The following SOX6 variants were observed in gnomAD, a reference collection of about 807,000 sequenced individuals.
The protein encoded by SOX6 is SRY-box transcription factor 6.
In SOX6, 11 loss-of-function variants were observed where a neutral mutation model predicts 97.8. That is an observed-to-expected ratio of 0.11 (90% CI 0.07 to 0.19). The LOEUF (loss-of-function observed/expected upper bound fraction) is 0.19. Among genes scored for constraint, SOX6 ranks in the 10% least tolerant of loss-of-function variants. SOX6 has a pLI of 1.00. For missense variants in SOX6, 810 were observed against 1,039.5 expected (o/e 0.78, Z 3.04); for synonymous variants, 360 against 371.4 (o/e 0.97, Z 0.35).
chr11:16,519,390 A>G (rs73435536), intron 4 of SOX6, among the ~76,000 whole-genome samples: 5,058 of 152,034 alleles, frequency 0.033, 267 homozygotes, highest in African/African-American at 0.12. Context: ...TATTATTTCC[A>G]TCTTTGTATC....
At chr11:16,655,699 T>C (rs1847710737) in intron 3 of SOX6, among the ~76,000 whole-genome samples, 1 of 152,234 alleles carries the variant, frequency 6.6e-6, no homozygotes, top group African/African-American at 2.4e-5. Flanking sequence ...ATGTTAGCAT[T>C]GCTGATCTTT....
chr11:16,725,490 C>A (rs564895164), intron 2 of SOX6, among the ~76,000 whole-genome samples: 2 of 151,590 alleles, frequency 1.3e-5, no homozygotes, highest in African/African-American at 4.9e-5. Context: ...CAGAGTGAGA[C>A]CCTGTCTTAA....
intron 3 of SOX6, among the ~76,000 whole-genome samples, chr11:16,656,366 G>A (rs1038070396): frequency 1.3e-5 from 2 of 152,082 alleles, no homozygotes; most frequent in South Asian, 2.1e-4. Context: ...ATGAGCCACC[G>A]TGCCAGGCCA....
chr11:16,174,445 C>G (rs1029948852), intron 6 of SOX6, among the ~76,000 whole-genome samples: 6 of 151,896 alleles, frequency 4.0e-5, no homozygotes, highest in African/African-American at 1.4e-4. Flanking sequence ...CATTTATTTG[C>G]TGTTATTTTG....
intron 9 of SOX6, among the ~76,000 whole-genome samples, chr11:16,083,523 C>T (rs1848517204): frequency 6.6e-6 from 1 of 152,178 alleles, no homozygotes; most frequent in African/African-American, 2.4e-5. Context: ...CGCTCATTGA[C>T]TCCCACTTAG....
intron 13 of SOX6, among the ~76,000 whole-genome samples, chr11:16,001,712 C>T (rs1219601933): frequency 6.6e-6 from 1 of 152,144 alleles, no homozygotes; most frequent in East Asian, 1.9e-4. Flanking sequence ...AAATACTGCC[C>T]CACCAAAGAT....
At chr11:16,534,771 G>A (rs1861282507) in intron 4 of SOX6, among the ~76,000 whole-genome samples, 1 of 152,130 alleles carries the variant, frequency 6.6e-6, no homozygotes, top group Admixed American at 6.5e-5. Flanking sequence ...GATGTCTGCA[G>A]CAGCAATGCT....
chr11:15,997,121 T>C (rs1281244063), intron 13 of SOX6, among the ~76,000 whole-genome samples: 1 of 152,108 alleles, frequency 6.6e-6, no homozygotes, highest in Non-Finnish European at 1.5e-5. Context: ...TCAATAAATT[T>C]GACAACTTAG....
At chr11:16,156,374 G>A (rs575621741) in intron 6 of SOX6, among the ~76,000 whole-genome samples, 39 of 151,692 alleles carry the variant, frequency 2.6e-4, no homozygotes, top group South Asian at 1.7e-3. Flanking sequence ...TAGTATTTCC[G>A]AAAATTCTGC....
chr11:16,705,799 G>A (rs1469270926), intron 3 of SOX6, among the ~76,000 whole-genome samples: 1 of 152,070 alleles, frequency 6.6e-6, no homozygotes, highest in South Asian at 2.1e-4. Context: ...GATGTTAATT[G>A]TAATCTCCAG....
chr11:16,481,320 T>C (rs1326199741), upstream of SOX6, among the ~76,000 whole-genome samples: 1 of 152,154 alleles, frequency 6.6e-6, no homozygotes. Flanking sequence ...CCAGTATTTT[T>C]TTTAAATGCA....
At chr11:16,516,744 G>C (rs1268480755) in intron 4 of SOX6, among the ~76,000 whole-genome samples, 1 of 149,154 alleles carries the variant, frequency 6.7e-6, no homozygotes, top group African/African-American at 2.5e-5. Flanking sequence ...AATTCTACCA[G>C]AGGTACAAGG....
At chr11:16,391,668 C>A (rs1487002166) in intron 1 of SOX6, among the ~76,000 whole-genome samples, 1 of 151,558 alleles carries the variant, frequency 6.6e-6, no homozygotes, top group African/African-American at 2.4e-5. Flanking sequence ...ATTCAGTAAG[C>A]AATACAAATA....
At chr11:16,388,134 GT>G (rs1381671494) in intron 1 of SOX6, among the ~76,000 whole-genome samples, 2 of 152,102 alleles carry the variant, frequency 1.3e-5, no homozygotes, top group Non-Finnish European at 2.9e-5. Context: ...ATTGCTGGGA[GT>G]TTTTTAATTA....
At chr11:16,103,631 A>G (rs1298545514) in intron 7 of SOX6, among the ~76,000 whole-genome samples, 2 of 151,996 alleles carry the variant, frequency 1.3e-5, no homozygotes, top group African/African-American at 4.8e-5. Context: ...ATGCTCATCA[A>G]TCTACGCATG....
intron 3 of SOX6, among the ~76,000 whole-genome samples, chr11:16,625,747 C>T (rs1361706087): frequency 6.6e-6 from 1 of 152,182 alleles, no homozygotes; most frequent in Non-Finnish European, 1.5e-5. Flanking sequence ...TGGAGAACTT[C>T]CAGATTGGTA....
At chr11:16,198,209 A>T (rs1426334326) in intron 4 of SOX6, among the ~76,000 whole-genome samples, 1 of 137,262 alleles carries the variant, frequency 7.3e-6, no homozygotes, top group Non-Finnish European at 1.5e-5. Flanking sequence ...GCCTGCCACC[A>T]CGCCCTGCTA....
chr11:16,521,969 A>G (rs1335608985), intron 4 of SOX6, among the ~76,000 whole-genome samples: 1 of 152,208 alleles, frequency 6.6e-6, no homozygotes, highest in Non-Finnish European at 1.5e-5. Flanking sequence ...TCCAAGAAAT[A>G]TGGGACTATG....
intron 15 of SOX6, among the ~76,000 whole-genome samples, chr11:15,978,415 G>A (rs992620938): frequency 1.3e-4 from 20 of 151,780 alleles, no homozygotes; most frequent in Middle Eastern, 3.4e-3. Flanking sequence ...TCTATAACAC[G>A]GGCAGCATTT....
Sources: allele counts gnomAD v4.1 joint callset (sites outside exome capture counted in the v4.1 genomes callset), GRCh38; gene constraint gnomAD v4.1.1; transcripts MANE v1.5; gene names NCBI Gene and HGNC (gene_info 2026-07-23, HGNC 2026-07-21).